Variants in IGFBP4 observed in about 807,000 individuals in gnomAD.
The protein encoded by IGFBP4 is insulin-like growth factor-binding protein 4.
IGFBP4 carries 9 observed loss-of-function variants against 25.8 expected under a neutral mutation model. That is an observed-to-expected ratio of 0.35 (90% CI 0.21 to 0.61). IGFBP4 has a LOEUF of 0.61. Among genes scored for constraint, IGFBP4 ranks in the 20% least tolerant of loss-of-function variants. The probability of loss-of-function intolerance (pLI) is 0.77; values close to 1 mark genes in which losing one functional copy is unlikely to be tolerated. For missense variants in IGFBP4, 315 were observed against 365.3 expected, an observed-to-expected ratio of 0.86 and a Z score of 1.12; for synonymous variants, 153 against 153.9, an observed-to-expected ratio of 0.99 and a Z score of 0.05.
chr17:40,447,167 T>A (rs975569620), intron 1 of IGFBP4, among the ~76,000 whole-genome samples: 7 of 152,194 alleles, frequency 4.6e-5, no homozygotes, highest in African/African-American at 1.7e-4. Flanking sequence ...GCTGCTATGG[T>A]CCAGCTGCCT....
At chr17:40,449,774 G>C (rs1014687123) in intron 1 of IGFBP4, among the ~76,000 whole-genome samples, 3 of 151,458 alleles carry the variant, frequency 2.0e-5, no homozygotes. Flanking sequence ...GAGAGAGAGA[G>C]AGAAAAAGAA....
chr17:40,455,112 CAATT>C (rs2035707064), intron 3 of IGFBP4, among the ~76,000 whole-genome samples: 1 of 152,062 alleles, frequency 6.6e-6, no homozygotes, highest in Admixed American at 6.6e-5. Flanking sequence ...TTAAAAAAAA[CAATT>C]AATAGCTTTA....
chr17:40,444,083 T>C lies in IGFBP4; in HGVS notation c.348T>C (p.Ser116=). Residue 116 remains serine (S), a splice_region_variant and synonymous_variant, in exon 1 of 4, where the codon TCT becomes TCC. Transcript: ENST00000269593. ...IEAIQESLQP[S]DKDEGDHPNN... is the part of the protein sequence containing the mutation. ...CCATCCAGGAAAGCCTGCAGCCCTCTGGTAAGGTACCCCTGGCCTCCCAAT... is the reference window on the plus strand; with the variant it reads ...CCATCCAGGAAAGCCTGCAGCCCTCCGGTAAGGTACCCCTGGCCTCCCAAT... 1.3e-6 allele frequency: 2 copies of C among 1,534,662 alleles called. No individual in the cohort carries two copies. Among genetic ancestry groups the C allele is most frequent in the African/African-American group, 1.4e-5 (1 of 73,116 alleles).
At position 40,444,030 on chromosome 17, in the gene IGFBP4, G is replaced by C; in HGVS notation, c.295G>C (p.Val99Leu). 2 of 1,538,836 alleles carry C rather than the reference G, an allele frequency of 1.3e-6. No homozygotes were observed. Among genetic ancestry groups the C allele is most frequent in the South Asian group, 1.2e-5 (1 of 84,060 alleles). ...PLHTLMHGQG[V>L]CMELAEIEAI... is the part of the protein sequence containing the mutation. ...GCACACACTGATGCACGGGCAAGGC[G>C]TGTGCATGGAGCTGGCGGAGATCGA... is the stretch of plus-strand genomic sequence containing the variant. The change falls in exon 1 of 4, where the codon GTG becomes CTG. Residue 99 changes from valine (V) to leucine (L), a missense_variant. Coordinates refer to ENST00000269593, the MANE Select transcript of IGFBP4 (RefSeq NM_001552.3).
intron 1 of IGFBP4, among the ~76,000 whole-genome samples, chr17:40,447,573 G>A (rs1489291550): frequency 6.6e-6 from 1 of 152,194 alleles, no homozygotes. Context: ...CTTGTGGGGA[G>A]GGGGAGGGAG....
At chr17:40,452,141 A>T (rs1464284338) in intron 1 of IGFBP4, among the ~76,000 whole-genome samples, 1 of 152,062 alleles carries the variant, frequency 6.6e-6, no homozygotes, top group Non-Finnish European at 1.5e-5. Flanking sequence ...CCCCATTTGG[A>T]TGGAGTTTTT....
chr17:40,451,184 C>T (rs1469501018), intron 1 of IGFBP4, among the ~76,000 whole-genome samples: 1 of 152,190 alleles, frequency 6.6e-6, no homozygotes, highest in Non-Finnish European at 1.5e-5. Flanking sequence ...CTCTTAGGAA[C>T]TTGATGTAGG....
Position 40,454,013 on chromosome 17 carries a change from T to TCATCCC in IGFBP4, c.602_607dup (p.Ile201_Pro202dup). ...AGCCGCACCCACGAGGACCTCTACA[T>TCATCCC]CATCCCCATCCCCAACTGCGACCGC... On this transcript the variant is annotated inframe_insertion, in exon 3 of 4. Coordinates refer to ENST00000269593, the MANE Select transcript of IGFBP4 (RefSeq NM_001552.3). The TCATCCC allele has an allele frequency of 1.2e-6, 2 of 1,613,052 alleles. No homozygotes were observed. Among genetic ancestry groups the TCATCCC allele is most frequent in the Non-Finnish European group, 8.5e-7 (1 of 1,179,660 alleles).
chr17:40,451,992 C>G lies in IGFBP4; in HGVS notation c.350-993C>G, dbSNP rs75202709. On this transcript the variant is annotated intron_variant, in intron 1 of 3. Transcript: ENST00000269593. ...AGCTAGGACTACAGGCACATGCCAC[C>G]ATACCCGGTTAATTTTTAAATTTTT... 6.8e-3 allele frequency among the ~76,000 whole-genome samples: 1,033 copies of G among 152,194 alleles called. 8 individuals are homozygous for G. The highest frequency in any genetic ancestry group is 0.024 in the African/African-American group (981 of 41,506).
At chr17:40,452,023 A>G (rs2035686130) in intron 1 of IGFBP4, among the ~76,000 whole-genome samples, 1 of 152,044 alleles carries the variant, frequency 6.6e-6, no homozygotes, top group African/African-American at 2.4e-5. Context: ...TTTTTTGTGA[A>G]GATGGGGTCT....
chr17:40,449,030 A>G (rs1411166939), intron 1 of IGFBP4, among the ~76,000 whole-genome samples: 1 of 151,674 alleles, frequency 6.6e-6, no homozygotes, highest in Admixed American at 6.6e-5. Flanking sequence ...GGAGGGAGCT[A>G]CTCTCCCTAT....
intron 1 of IGFBP4, among the ~76,000 whole-genome samples, chr17:40,452,707 A>G (rs1351412460): frequency 6.6e-6 from 1 of 152,114 alleles, no homozygotes; most frequent in Non-Finnish European, 1.5e-5. Flanking sequence ...CCCTCCTGCC[A>G]TCTGGGCAGC....
rs1404487369 is a variant in IGFBP4, at chr17:40,443,858, C to G, written c.123C>G (p.Pro41=). The change falls in exon 1 of 4, where the codon CCC becomes CCG. Residue 41 remains proline (P), a synonymous_variant. Transcript: ENST00000269593. ...SEEKLARCRP[P]VGCEELVREP... Reference sequence around the variant, plus strand: ...AGAAGCTGGCGCGCTGCCGCCCCCCCGTGGGCTGCGAGGAGCTGGTGCGAG... The same window carrying G: ...AGAAGCTGGCGCGCTGCCGCCCCCCGGTGGGCTGCGAGGAGCTGGTGCGAG... 2 of 1,531,714 alleles carry G rather than the reference C, an allele frequency of 1.3e-6. No individual in the cohort carries two copies. Among genetic ancestry groups the G allele is most frequent in the Non-Finnish European group, 1.7e-6 (2 of 1,145,282 alleles). 94.9% of individuals were successfully genotyped at this position (1,531,714 alleles called of 1,614,324 possible). A position where few individuals can be genotyped will look rare whatever the true frequency, so the allele number is the denominator to read the frequency against.
At chr17:40,448,912 ATG>A (rs760012552) in intron 1 of IGFBP4, among the ~76,000 whole-genome samples, 22 of 152,130 alleles carry the variant, frequency 1.4e-4, no homozygotes, top group Non-Finnish European at 2.5e-4. Context: ...ATGTGGATGA[ATG>A]TGTGTCTGGA....
At position 40,453,920 on chromosome 17, in the gene IGFBP4, TC is replaced by T; in HGVS notation, c.508-6del. On this transcript the variant is annotated splice_region_variant and splice_polypyrimidine_tract_variant and intron_variant, in intron 2 of 3. Transcript: ENST00000269593. This position sits in a 1 kb window ranked among gnomAD's most constrained non-coding sequence, Gnocchi z 4.0. Reference sequence around the variant, plus strand: ...TCTGCTGAGCAATTTTGTCTTCCCCTCCTCCAGCCCCAGGGCTCCTGCCAGA... The same window carrying T: ...TCTGCTGAGCAATTTTGTCTTCCCCTCTCCAGCCCCAGGGCTCCTGCCAGA... 4 of 1,598,440 alleles carry T rather than the reference TC, an allele frequency of 2.5e-6. No homozygotes were observed. Among genetic ancestry groups the T allele is most frequent in the Non-Finnish European group, 3.4e-6 (4 of 1,173,652 alleles).
Position 40,444,948 on chromosome 17 carries a change from G to C in IGFBP4, c.349+864G>C, listed in dbSNP as rs866801896. On this transcript the variant is annotated intron_variant, in intron 1 of 3. Transcript: ENST00000269593. The stretch of plus-strand genomic sequence containing the variant: ...ACACAGAGACAGAGAGAGAGAGAGA[G>C]AGAGAGAGAGAGAGAGAGAGAGAGA... Among the ~76,000 whole-genome samples, 630 of 144,210 alleles carry C rather than the reference G, an allele frequency of 4.4e-3. 12 individuals are homozygous for C. The highest frequency in any genetic ancestry group is 0.013 in the African/African-American group (522 of 38,904). The allele number at this position is 144,210 out of a possible 152,430, so 94.6% of individuals were successfully genotyped here.
At chr17:40,454,868 T>C (rs975663446) in intron 3 of IGFBP4, among the ~76,000 whole-genome samples, 4 of 152,142 alleles carry the variant, frequency 2.6e-5, no homozygotes, top group Non-Finnish European at 2.9e-5. Flanking sequence ...ACAGACCCAT[T>C]TCCCTGCTCC....
chr17:40,453,870 G>A lies in IGFBP4; in HGVS notation c.508-58G>A, dbSNP rs1039820900. ...AGTTCTCACTTAGCTCTGACCCCAG[G>A]CCTGGGCCTCCTGCCTCTCTTCCTT... is the stretch of plus-strand genomic sequence containing the variant. On this transcript the variant is annotated intron_variant, in intron 2 of 3. Coordinates refer to ENST00000269593, the MANE Select transcript of IGFBP4 (RefSeq NM_001552.3). The surrounding 1 kb of genome is among the most constrained non-coding windows in gnomAD (Gnocchi z 4.0). The A allele has an allele frequency of 2.2e-6, 3 of 1,390,736 alleles. No individual in the cohort carries two copies. The highest frequency in any genetic ancestry group is 3.0e-6 in the Non-Finnish European group (3 of 1,004,680). 86.1% of individuals were successfully genotyped at this position (1,390,736 alleles called of 1,614,324 possible).
chr17:40,456,538 G>C lies in IGFBP4; in HGVS notation c.732G>C (p.Lys244Asn), dbSNP rs200075321. 6.8e-6 allele frequency: 11 copies of C among 1,613,564 alleles called. No individual in the cohort carries two copies. The Middle Eastern group carries it at 6.7e-4, about 98-fold the overall frequency. ...GVKLPGGLEP[K>N]GELDCHQLAD... Reference sequence around the variant, plus strand: ...AGCTTCCGGGGGGCCTGGAGCCAAAGGGGGAGCTGGACTGCCACCAGCTGG... The same window carrying C: ...AGCTTCCGGGGGGCCTGGAGCCAAACGGGGAGCTGGACTGCCACCAGCTGG... Residue 244 changes from lysine (K) to asparagine (N), a missense_variant, in exon 4 of 4, where the codon AAG (lysine) becomes AAC (asparagine). Transcript: ENST00000269593.
Sources: gnomAD v4.1 joint callset for allele counts (sites outside exome capture counted in the v4.1 genomes callset) on GRCh38, gnomAD v4.1.1 for gene constraint, Gnocchi (gnomAD v3.1) non-coding constraint, MANE v1.5 for transcripts, NCBI Gene and HGNC (gene_info 2026-07-23, HGNC 2026-07-21) for gene names.